Variants in MYOM2 observed in about 807,000 individuals in gnomAD.
MYOM2 encodes the protein myomesin-2.
A neutral mutation model predicts 187.6 loss-of-function variants in MYOM2; 254 were observed. The ratio of observed to expected loss-of-function variants is 1.35; its 90% CI spans 1.22 to 1.50. The LOEUF is 1.50. Ranked by LOEUF, MYOM2 falls within the 40% of genes most tolerant of loss-of-function variation. MYOM2 has a pLI of 0.00. For synonymous variants in MYOM2, 981 were observed against 753.8 expected (o/e 1.30, Z -4.94); for missense variants, 2,796 against 1,924.0 (o/e 1.45, Z -8.48).
chr8:2,143,955 T>C lies in MYOM2; in HGVS notation c.4080+499T>C, dbSNP rs117829184. ...ATCGTGGAAGCCACTTATTGGAGTTTAATTTGTTGCCTGTCGGGAGAATTA... is the reference window on the plus strand; with the variant it reads ...ATCGTGGAAGCCACTTATTGGAGTTCAATTTGTTGCCTGTCGGGAGAATTA... On this transcript the variant is annotated intron_variant, in intron 36 of 36. Transcript: ENST00000262113. Among the ~76,000 whole-genome samples the C allele has an allele frequency of 7.3e-3, 1,113 of 152,374 alleles. 5 individuals are homozygous for C. The highest frequency in any genetic ancestry group is 0.015 in the South Asian group (74 of 4,824).
rs1818453328 is a variant in MYOM2 at position 2,050,713 on chromosome 8, G to T, written c.-12-42G>T. 5.7e-6 allele frequency: 7 copies of T among 1,230,262 alleles called. No individual in the cohort carries two copies. The East Asian group carries it at 1.4e-4, about 25-fold the overall frequency. 76.2% of individuals were successfully genotyped at this position (1,230,262 alleles called of 1,614,324 possible). A position where few individuals can be genotyped will look rare whatever the true frequency, so the allele number is the denominator to read the frequency against. ...GCAGAAATGGCAGAGGCCTCATGATGCTTGCGAGGGAGCTCAGTGTTGTGT... is the reference window on the plus strand; with the variant it reads ...GCAGAAATGGCAGAGGCCTCATGATTCTTGCGAGGGAGCTCAGTGTTGTGT... On this transcript the variant is annotated intron_variant, in intron 1 of 36. Transcript: ENST00000262113.
intron 3 of MYOM2, among the ~76,000 whole-genome samples, chr8:2,055,749 A>G (rs1192989784): frequency 6.6e-6 from 1 of 152,062 alleles, no homozygotes; most frequent in East Asian, 1.9e-4. Context: ...AGCACCTCGG[A>G]CAGAGGCCCT....
intron 28 of MYOM2, among the ~76,000 whole-genome samples, chr8:2,120,251 CTTGT>C (rs976593884): frequency 3.2e-4 from 48 of 151,928 alleles, no homozygotes; most frequent in Middle Eastern, 3.2e-3. Context: ...AACTTTGGGT[CTTGT>C]TTAACTGTCG....
In MYOM2 at chr8:2,094,511, G is replaced by A. The variant is rs183733699; in HGVS notation, c.2125+420G>A. On this transcript the variant is annotated intron_variant, in intron 17 of 36. Coordinates refer to ENST00000262113, the MANE Select transcript of MYOM2 (RefSeq NM_003970.4). ...TACTGAAAATACAAAAATCAGCCTG[G>A]CATGGTGGCGGGCGCCTGTAGTCCC... Among the ~76,000 whole-genome samples, 481 of 152,226 alleles carry A rather than the reference G, an allele frequency of 3.2e-3. 1 individual carries two copies. Among genetic ancestry groups the A allele is most frequent in the Non-Finnish European group, 5.9e-3 (402 of 68,028 alleles).
chr8:2,066,011 G>A (rs1819007441), intron 6 of MYOM2, among the ~76,000 whole-genome samples: 1 of 152,200 alleles, frequency 6.6e-6, no homozygotes, highest in Non-Finnish European at 1.5e-5. Flanking sequence ...TTTTCAAGGG[G>A]TTGGCTGGAG....
chr8:2,071,817 G>C (rs1024095927), intron 8 of MYOM2, among the ~76,000 whole-genome samples: 1 of 152,130 alleles, frequency 6.6e-6, no homozygotes, highest in Non-Finnish European at 1.5e-5. Context: ...GCCTCCTCCC[G>C]GGTTGCTGAC....
At position 2,100,911 on chromosome 8, in the gene MYOM2, G is replaced by A. The variant is rs1185851126; in HGVS notation, c.2476G>A (p.Asp826Asn). The A allele has an allele frequency of 1.9e-6, 3 of 1,614,072 alleles. No individual in the cohort carries two copies. The highest frequency in any genetic ancestry group is 2.5e-6 in the Non-Finnish European group (3 of 1,180,042). Residue 826 changes from aspartate to asparagine, a missense_variant, in exon 20 of 37, where the codon GAC becomes AAC. Physicochemically the swap from Asp to Asn is conservative, Grantham distance 23 (BLOSUM62 1). Transcript: ENST00000262113. ...CGACTTGACGTTCTGTGAGGTCAGG[G>A]ACACGTCCTTGGTCATGCTGTGGAA... is the stretch of plus-strand genomic sequence containing the variant. ...AYDLTFCEVR[D>N]TSLVMLWKAP...
In MYOM2 at chr8:2,140,760, G is replaced by A. The variant is rs757130433; in HGVS notation, c.3838G>A (p.Gly1280Arg). ...KISSSEHMRI[G>R]GSEEMAWLQI... The stretch of plus-strand genomic sequence containing the variant: ...CTCATCCAGTGAGCATATGAGAATC[G>A]GGGGGAGTGAAGAGATGGCTTGGCT... The change falls in exon 33 of 37, where the codon GGG becomes AGG. Residue 1280 changes from glycine to arginine, a missense_variant. Physicochemically the swap from Gly to Arg is moderately radical, Grantham distance 125. Transcript: ENST00000262113. The A allele has an allele frequency of 1.0e-4, 164 of 1,613,836 alleles. 1 individual carries two copies. Among genetic ancestry groups the A allele is most frequent in the Non-Finnish European group, 8.5e-5 (100 of 1,179,918 alleles).
chr8:2,112,050 C>G (rs552027207), intron 25 of MYOM2, among the ~76,000 whole-genome samples: 1 of 152,142 alleles, frequency 6.6e-6, no homozygotes, highest in African/African-American at 2.4e-5. Flanking sequence ...ATTGCAGCAT[C>G]CCCGGGAGCT....
rs530094057 is a variant in MYOM2, at chr8:2,116,080, T to C, written c.3301T>C (p.Ser1101Pro). The C allele has an allele frequency of 3.7e-6, 6 of 1,613,526 alleles. No homozygotes were observed. In the Admixed American group the frequency reaches 1.0e-4, roughly 27 times the overall value. The part of the protein sequence containing the change: ...QIHDGKAKSQ[S>P]SLVLIGDAFK... ...TCATGATGGGAAAGCCAAAAGTCAG[T>C]CTTCTCTAGTTCTTATTGGAGATGG... Residue 1101 changes from serine (S) to proline (P), a missense_variant, in exon 26 of 37, where the codon TCT (serine) becomes CCT (proline). By Grantham distance (74) the Ser-to-Pro change is moderately conservative. Coordinates refer to ENST00000262113, the MANE Select transcript of MYOM2 (RefSeq NM_003970.4).
At position 2,098,970 on chromosome 8, in the gene MYOM2, C is replaced by T; in HGVS notation, c.2427C>T (p.Thr809=). Reference sequence around the variant, plus strand: ...AGCACTTCAAGTGTGAGGCCTGGACCATGCCGGAGCCCGGTGAGTCGCTGC... The same window carrying T: ...AGCACTTCAAGTGTGAGGCCTGGACTATGCCGGAGCCCGGTGAGTCGCTGC... ...PSEHFKCEAW[T]MPEPGPAYDL... Residue 809 remains threonine (T), a synonymous_variant, in exon 19 of 37, where the codon ACC becomes ACT. Transcript: ENST00000262113. 1 of 1,608,396 alleles carries T rather than the reference C, an allele frequency of 6.2e-7. No homozygotes were observed. Among genetic ancestry groups the T allele is most frequent in the Non-Finnish European group, 8.5e-7 (1 of 1,176,354 alleles).
intron 31 of MYOM2, 45 bp from the exon 32 acceptor site, chr8:2,129,082 C>G: frequency 7.1e-7 from 1 of 1,398,996 alleles, no homozygotes. Context: ...GATCACACAG[C>G]AGGCACTCCT....
chr8:2,057,360 G>C lies in MYOM2; in HGVS notation c.276G>C (p.Leu92=). The change falls in exon 4 of 37, where the codon CTG becomes CTC. Residue 92 remains leucine, a synonymous_variant. Coordinates refer to ENST00000262113, the MANE Select transcript of MYOM2 (RefSeq NM_003970.4). ...TCGGCTCCTGCAGGTACCAGTCCCTGGTGGCCGCCTATGGTGAGGCCAAGC... is the reference window on the plus strand; with the variant it reads ...TCGGCTCCTGCAGGTACCAGTCCCTCGTGGCCGCCTATGGTGAGGCCAAGC... The part of the protein sequence containing the change: ...EQENRSRYQS[L]VAAYGEAKRQ... 1.2e-6 allele frequency: 2 copies of C among 1,607,364 alleles called. No homozygotes were observed. Among genetic ancestry groups the C allele is most frequent in the Non-Finnish European group, 1.7e-6 (2 of 1,176,398 alleles).
intron 2 of MYOM2, among the ~76,000 whole-genome samples, chr8:2,051,225 C>T (rs1207774157): frequency 1.3e-5 from 2 of 152,160 alleles, no homozygotes. Flanking sequence ...GTGGGAAAGG[C>T]TGTCGGTAGG....
Position 2,078,717 on chromosome 8 carries a change from C to CT in MYOM2, c.1263-10dup, listed in dbSNP as rs768406267. ...ACATTTGCTATTCTCTGTTGTTTTT[C>CT]TTTTTTTAACTTGAAGATGTGAAGT... On this transcript the variant is annotated splice_polypyrimidine_tract_variant and intron_variant, in intron 11 of 36. Coordinates refer to ENST00000262113, the MANE Select transcript of MYOM2 (RefSeq NM_003970.4). 5.0e-6 allele frequency: 8 copies of CT among 1,613,144 alleles called. No homozygotes were observed. The highest frequency in any genetic ancestry group is 5.9e-6 in the Non-Finnish European group (7 of 1,179,554).
intron 5 of MYOM2, among the ~76,000 whole-genome samples, chr8:2,058,755 A>G (rs963164780): frequency 6.6e-6 from 1 of 152,108 alleles, no homozygotes; most frequent in African/African-American, 2.4e-5. Flanking sequence ...TGGAGCCATG[A>G]AGCCAGCTTC....
chr8:2,112,602 CAGA>C (rs1291486268), intron 25 of MYOM2, among the ~76,000 whole-genome samples: 1 of 151,928 alleles, frequency 6.6e-6, no homozygotes, highest in Non-Finnish European at 1.5e-5. Flanking sequence ...GAATGTCAGG[CAGA>C]AGAACTTAGA....
chr8:2,045,430 C>T (rs571408493), intron 1 of MYOM2, among the ~76,000 whole-genome samples: 2 of 152,318 alleles, frequency 1.3e-5, no homozygotes, highest in South Asian at 2.1e-4. Flanking sequence ...CACCCTGCGG[C>T]GTGTGCTTTG....
intron 19 of MYOM2, among the ~76,000 whole-genome samples, chr8:2,100,153 C>CTTCTTTCCTTCCTTCT (rs1796654345): frequency 7.3e-6 from 1 of 137,322 alleles, no homozygotes; most frequent in Non-Finnish European, 1.5e-5. Context: ...TCCTTCCTTC[C>CTTCTTTCCTTCCTTCT]TTCCTTCCTT....
Sources: gnomAD v4.1 joint callset for allele counts (sites outside exome capture counted in the v4.1 genomes callset) on GRCh38, gnomAD v4.1.1 for gene constraint, MANE v1.5 for transcripts, NCBI Gene and HGNC (gene_info 2026-07-23, HGNC 2026-07-21) for gene names.